Variants in NALCN observed in about 807,000 individuals in gnomAD.
NALCN encodes the protein sodium leak channel NALCN.
Under a neutral mutation model 225.3 loss-of-function variants are expected in NALCN, and 111 were observed. That is an observed-to-expected ratio of 0.49 (90% CI 0.42 to 0.58). NALCN has a LOEUF of 0.58. Ranked by LOEUF, NALCN falls within the 20% of genes least tolerant of loss-of-function variation. The pLI is 0.00. For synonymous variants in NALCN, 764 were observed against 769.0 expected (o/e 0.99, Z 0.11); for missense variants, 1,378 against 2,202.4 (o/e 0.63, Z 7.49).
At chr13:101,228,769 T>C (rs2140131038) in intron 13 of NALCN, among the ~76,000 whole-genome samples, 1 of 152,320 alleles carries the variant, frequency 6.6e-6, no homozygotes, top group South Asian at 2.1e-4. Flanking sequence ...AGGGTAAAAA[T>C]ATATACATTA....
intron 15 of NALCN, among the ~76,000 whole-genome samples, chr13:101,157,081 C>A (rs1222804420): frequency 6.6e-6 from 1 of 152,078 alleles, no homozygotes; most frequent in African/African-American, 2.4e-5. Context: ...GCACTCATGT[C>A]CCAGTAACAA....
At chr13:101,108,070 A>G (rs912067823) in intron 20 of NALCN, among the ~76,000 whole-genome samples, 12 of 144,928 alleles carry the variant, frequency 8.3e-5, no homozygotes, top group African/African-American at 2.9e-4. Flanking sequence ...TATATTTACA[A>G]TAAATATATA....
chr13:101,194,734 T>C (rs1033143486), intron 13 of NALCN, among the ~76,000 whole-genome samples: 2 of 152,238 alleles, frequency 1.3e-5, no homozygotes, highest in African/African-American at 4.8e-5. Flanking sequence ...CTGGGCATGA[T>C]GGCTCACGCC....
rs17581500 is a variant in NALCN, at chr13:101,068,135, T to A, written c.4331-102A>T. The A allele has an allele frequency of 0.17, 123,954 of 729,620 alleles. 11,731 individuals are homozygous for A. Among genetic ancestry groups the A allele is most frequent in the Non-Finnish European group, 0.2 (92,129 of 454,580 alleles). The allele number at this position is 729,620 out of a possible 1,614,324, so 45.2% of individuals were successfully genotyped here. A position where few individuals can be genotyped will look rare whatever the true frequency, so the allele number is the denominator to read the frequency against. On this transcript the variant is annotated intron_variant, in intron 38 of 43. Coordinates refer to ENST00000251127, the MANE Select transcript of NALCN (RefSeq NM_052867.4). ...TATTAATAATGGATTCTATCACCTA[T>A]ATCATAAGCCAAATTTTTAAAGTGC... is the stretch of plus-strand genomic sequence containing the variant.
At chr13:101,328,306 G>A (rs1284218789) in intron 7 of NALCN, among the ~76,000 whole-genome samples, 3 of 152,098 alleles carry the variant, frequency 2.0e-5, no homozygotes, top group African/African-American at 7.2e-5. Flanking sequence ...TAAAATGTGA[G>A]TACTGTATTT....
In NALCN at chr13:101,356,221, C is replaced by A. The variant is rs28791924; in HGVS notation, c.645-10801G>T. 1.7e-3 allele frequency among the ~76,000 whole-genome samples: 251 copies of A among 152,034 alleles called. 1 individual carries two copies. The highest frequency in any genetic ancestry group is 5.4e-3 in the African/African-American group (225 of 41,464). ...AGAGCAGAATTGAAGGAGACAGTGACACAAGAAGCCATTCAAAAAATTAAT... is the reference window on the plus strand; with the variant it reads ...AGAGCAGAATTGAAGGAGACAGTGAAACAAGAAGCCATTCAAAAAATTAAT... On this transcript the variant is annotated intron_variant, in intron 6 of 43. Transcript: ENST00000251127.
intron 15 of NALCN, among the ~76,000 whole-genome samples, chr13:101,150,323 G>T (rs2037583812): frequency 6.6e-6 from 1 of 152,158 alleles, no homozygotes; most frequent in Non-Finnish European, 1.5e-5. Context: ...AGGGTGCTGG[G>T]TGTGTTCAGT....
intron 15 of NALCN, among the ~76,000 whole-genome samples, chr13:101,149,816 T>C (rs1447507305): frequency 2.0e-5 from 3 of 152,202 alleles, no homozygotes; most frequent in Admixed American, 2.0e-4. Flanking sequence ...TGGACAGCAG[T>C]TCCCATGCAC....
At chr13:101,392,029 TA>T (rs1297761762) in intron 3 of NALCN, among the ~76,000 whole-genome samples, 2 of 145,490 alleles carry the variant, frequency 1.4e-5, no homozygotes, top group Admixed American at 6.8e-5. Flanking sequence ...AAATAAAAAA[TA>T]AAAATAAAAA....
chr13:101,123,737 A>G lies in NALCN; in HGVS notation c.2192+871T>C, dbSNP rs1022259749. 5.3e-5 allele frequency among the ~76,000 whole-genome samples: 8 copies of G among 152,208 alleles called. 1 individual carries two copies. The South Asian group carries it at 1.7e-3, about 32-fold the overall frequency. ...AAATTTTAGGTAGTATTATAAAGTA[A>G]GAATAGTTTTAAAGATCATATATAC... is the stretch of plus-strand genomic sequence containing the variant. On this transcript the variant is annotated intron_variant, in intron 18 of 43. Coordinates refer to ENST00000251127, the MANE Select transcript of NALCN (RefSeq NM_052867.4).
chr13:101,368,044 G>A (rs2046427531), intron 6 of NALCN, among the ~76,000 whole-genome samples: 1 of 150,804 alleles, frequency 6.6e-6, no homozygotes, highest in South Asian at 2.1e-4. Flanking sequence ...GGGTACATGT[G>A]CACAATGTGC....
At position 101,054,052 on chromosome 13, in the gene NALCN, T is replaced by TA. The variant is rs148797972; in HGVS notation, c.*1242dup. On this transcript the variant is annotated 3_prime_UTR_variant, in exon 44 of 44. Transcript: ENST00000251127. ...CAGGATTCTGAGATAATCCCTCTGT[T>TA]AAAAAACATCTGAACAGCAAATGTC... 2 of 152,166 alleles carry TA rather than the reference T, an allele frequency of 1.3e-5. No individual in the cohort carries two copies. Among genetic ancestry groups the TA allele is most frequent in the African/African-American group, 2.4e-5 (1 of 41,434 alleles). The allele number at this position is 152,166 out of a possible 1,614,324, so 9.4% of individuals were successfully genotyped here. A position where few individuals can be genotyped will look rare whatever the true frequency, so the allele number is the denominator to read the frequency against.
At chr13:101,109,646 C>T (rs556341285) in intron 20 of NALCN, among the ~76,000 whole-genome samples, 9 of 152,314 alleles carry the variant, frequency 5.9e-5, no homozygotes, top group South Asian at 2.1e-4. Flanking sequence ...TTCAACCTAA[C>T]GCCTGTCTTT....
rs577243648 is a variant in NALCN at position 101,272,151 on chromosome 13, TG to T, written c.1134+11781del. Among the ~76,000 whole-genome samples the T allele has an allele frequency of 4.7e-4, 71 of 152,198 alleles. No homozygotes were observed. In the East Asian group the frequency reaches 0.011, roughly 24 times the overall value. On this transcript the variant is annotated intron_variant, in intron 10 of 43. Transcript: ENST00000251127. ...TTTGAGGTGTGTGTGCGTGTGAGCA[TG>T]TGTGAGCCTGTATGAGTGTGTGTGT...
Position 101,292,302 on chromosome 13 carries a change from T to C in NALCN, c.864A>G (p.Arg288=). Reference sequence around the variant, plus strand: ...GCCAACGGGGAAAGCTGTCAATTGCTCTGTACATGAGGAACACCCAGCCTT... The same window carrying C: ...GCCAACGGGGAAAGCTGTCAATTGCCCTGTACATGAGGAACACCCAGCCTT... The part of the protein sequence containing the change: ...SQEGWVFLMY[R]AIDSFPRWRS... Residue 288 remains arginine, a synonymous_variant, in exon 8 of 44, where the codon AGA becomes AGG. Transcript: ENST00000251127. The surrounding 1 kb of genome is among the most constrained non-coding windows in gnomAD (Gnocchi z 4.3). 6.2e-7 allele frequency: 1 copy of C among 1,614,102 alleles called. No individual in the cohort carries two copies. Among genetic ancestry groups the C allele is most frequent in the Non-Finnish European group, 8.5e-7 (1 of 1,180,022 alleles).
chr13:101,361,482 A>C (rs1468164275), intron 6 of NALCN, among the ~76,000 whole-genome samples: 2 of 152,178 alleles, frequency 1.3e-5, no homozygotes, highest in African/African-American at 4.8e-5. Context: ...AGGAAAACTA[A>C]ATATTTTATT....
intron 4 of NALCN, 88 bp downstream of exon 4, chr13:101,378,482 T>C (rs1292541007): frequency 2.1e-6 from 2 of 934,492 alleles, no homozygotes; most frequent in Non-Finnish European, 3.2e-6. Context: ...TTGATATATA[T>C]TTTGTAATAT....
intron 14 of NALCN, among the ~76,000 whole-genome samples, chr13:101,177,374 A>T (rs2038999260): frequency 1.4e-5 from 2 of 139,996 alleles, no homozygotes; most frequent in Non-Finnish European, 1.6e-5. Flanking sequence ...GTGAATTTTT[A>T]TGGTGTTGAA....
chr13:101,328,119 T>C (rs556686037), intron 7 of NALCN, among the ~76,000 whole-genome samples: 330 of 152,318 alleles, frequency 2.2e-3, no homozygotes, highest in African/African-American at 7.7e-3. Context: ...AGCTACAGCA[T>C]TGCTTTAAGT....
Sources: gnomAD v4.1 joint callset for allele counts (sites outside exome capture counted in the v4.1 genomes callset) on GRCh38, gnomAD v4.1.1 for gene constraint, Gnocchi (gnomAD v3.1) non-coding constraint, MANE v1.5 for transcripts, NCBI Gene and HGNC (gene_info 2026-07-23, HGNC 2026-07-21) for gene names.